The following NKAP variants were observed in gnomAD, a reference collection of about 807,000 sequenced individuals.
NKAP encodes NFKB activating protein, also known as NF-kappa-B-activating protein.
In NKAP, 4 loss-of-function variants were observed where a neutral mutation model predicts 35.6. The observed-to-expected ratio is 0.11, with a 90% CI of 0.06 to 0.26. The LOEUF (loss-of-function observed/expected upper bound fraction) is 0.26, where lower values mean the gene tolerates loss of function less well. Among genes scored for constraint, NKAP ranks in the 10% least tolerant of loss-of-function variants. The pLI, the probability that NKAP is intolerant of heterozygous loss-of-function variation, is 1.00. For missense variants in NKAP, 238 were observed against 321.9 expected (o/e 0.74, Z 1.99); for synonymous variants, 106 against 119.2 (o/e 0.89, Z 0.72).
intron 2 of NKAP, chrX:119,937,162 C>G (rs537817614): frequency 8.9e-6 from 1 of 112,323 alleles, no homozygotes; most frequent in East Asian, 2.8e-4. Context: ...GAGCAAAAAC[C>G]TAACAAACTA....
chrX:119,942,992 G>A (rs1465462927), intron 1 of NKAP: 3 of 385,912 alleles, frequency 7.8e-6, no homozygotes, highest in African/African-American at 2.6e-5. Flanking sequence ...GACAGGAGGC[G>A]GAAGGGGGTA....
chrX:119,941,663 T>C (rs1223732357), intron 1 of NKAP, among the ~76,000 whole-genome samples: 2 of 111,568 alleles, frequency 1.8e-5, no homozygotes, highest in Non-Finnish European at 3.8e-5. Context: ...TCTCCCTCTG[T>C]CACCCAAGCT....
At chrX:119,927,627 G>A (rs2056721577) in intron 8 of NKAP, among the ~76,000 whole-genome samples, 2 of 112,425 alleles carry the variant, frequency 1.8e-5, no homozygotes, top group African/African-American at 6.4e-5. Context: ...TTACAGGCAT[G>A]AGCCACCACG....
In NKAP at chrX:119,923,162, G is replaced by A. The variant is rs192156553; in HGVS notation, c.*2058C>T. 9.0e-6 allele frequency: 1 copy of A among 110,596 alleles called. No homozygotes were observed. The highest frequency in any genetic ancestry group is 9.7e-5 in the Admixed American group (1 of 10,303). The allele number at this position is 110,596 out of a possible 1,213,427, so 9.1% of individuals were successfully genotyped here. A position where few individuals can be genotyped will look rare whatever the true frequency, so the allele number is the denominator to read the frequency against. Reference sequence around the variant, plus strand: ...GGAGGCAGAGGTTACAGTGAGCCGAGATCACACCACTGGGCTCCAGCCTGA... The same window carrying A: ...GGAGGCAGAGGTTACAGTGAGCCGAAATCACACCACTGGGCTCCAGCCTGA... On this transcript the variant is annotated 3_prime_UTR_variant, in exon 9 of 9. Transcript: ENST00000371410.
intron 8 of NKAP, among the ~76,000 whole-genome samples, chrX:119,929,086 G>A (rs868735542): frequency 9.1e-6 from 1 of 110,377 alleles, no homozygotes; most frequent in African/African-American, 3.3e-5. Flanking sequence ...TAGTAGAGAA[G>A]GGTTTCGCCA....
intron 8 of NKAP, among the ~76,000 whole-genome samples, chrX:119,927,270 C>T (rs903005311): frequency 1.9e-5 from 2 of 107,918 alleles, no homozygotes; most frequent in Non-Finnish European, 3.8e-5. Flanking sequence ...TCTTTCTTTC[C>T]CCATTGATCT....
rs748126359 is a variant in NKAP at position 119,930,882 on chromosome X, T to C, written c.924-717A>G. Reference sequence around the variant, plus strand: ...TAGGCTGGGTGCAGTGGCTGACGCCTGTAATCTCAGCATTTTTGGAGGTTG... The same window carrying C: ...TAGGCTGGGTGCAGTGGCTGACGCCCGTAATCTCAGCATTTTTGGAGGTTG... On this transcript the variant is annotated intron_variant, in intron 7 of 8. Transcript: ENST00000371410. 1.5e-4 allele frequency among the ~76,000 whole-genome samples: 16 copies of C among 109,923 alleles called. No homozygotes were observed. The South Asian group carries it at 6.1e-3, about 42-fold the overall frequency.
Position 119,932,029 on chromosome X carries a change from A to G in NKAP, c.848-18T>C, listed in dbSNP as rs1194183417. ...TTCAGCCTCTGCATGAAAGATATTAAGAAACACATTCACATTCTGACTAAT... is the reference window on the plus strand; with the variant it reads ...TTCAGCCTCTGCATGAAAGATATTAGGAAACACATTCACATTCTGACTAAT... On this transcript the variant is annotated intron_variant, in intron 6 of 8. Transcript: ENST00000371410. 1 of 1,196,563 alleles carries G rather than the reference A, an allele frequency of 8.4e-7. No homozygotes were observed. The highest frequency in any genetic ancestry group is 3.0e-5 in the East Asian group (1 of 33,701).
At chrX:119,934,775 AT>A (rs973511814) in intron 4 of NKAP, among the ~76,000 whole-genome samples, 3 of 110,461 alleles carry the variant, frequency 2.7e-5, no homozygotes, top group Non-Finnish European at 3.8e-5. Context: ...ATTATTATTA[AT>A]TTTATTGTGT....
In NKAP at chrX:119,943,375, C is replaced by A; in HGVS notation, c.231G>T (p.Arg77=). 3 of 1,212,000 alleles carry A rather than the reference C, an allele frequency of 2.5e-6. No individual in the cohort carries two copies. Among genetic ancestry groups the A allele is most frequent in the Non-Finnish European group, 3.4e-6 (3 of 895,365 alleles). ...SRNQSYRSRS[R]SRSRERPSAP... ...CAGAGGGCCGCTCTCTAGAACGCGA[C>A]CGCGAGCGTGAGCGGTAGGACTGGT... Residue 77 remains arginine (R), a synonymous_variant, in exon 1 of 9, where the codon CGG becomes CGT. Coordinates refer to ENST00000371410, the MANE Select transcript of NKAP (RefSeq NM_024528.4).
intron 1 of NKAP, among the ~76,000 whole-genome samples, chrX:119,939,444 G>A (rs935709271): frequency 7.3e-5 from 8 of 110,322 alleles, no homozygotes; most frequent in Non-Finnish European, 1.5e-4. Flanking sequence ...GCGCCATCAC[G>A]CCTGGCTAAT....
At chrX:119,935,912 G>A (rs2056763949) in intron 4 of NKAP, among the ~76,000 whole-genome samples, 1 of 111,862 alleles carries the variant, frequency 8.9e-6, no homozygotes, top group African/African-American at 3.2e-5. Context: ...CCACTGGGCC[G>A]ATGCAGCCCT....
intron 8 of NKAP, among the ~76,000 whole-genome samples, chrX:119,929,737 T>C (rs2056731706): frequency 8.9e-6 from 1 of 111,811 alleles, no homozygotes. Flanking sequence ...CTCCAGTGGA[T>C]AAAATATCTG....
At position 119,943,267 on chromosome X, in the gene NKAP, A is replaced by T. The variant is rs751608504; in HGVS notation, c.339T>A (p.Pro113=). 2 of 1,208,116 alleles carry T rather than the reference A, an allele frequency of 1.7e-6. No homozygotes were observed. The highest frequency in any genetic ancestry group is 1.1e-6 in the Non-Finnish European group (1 of 893,894). The part of the protein sequence containing the change: ...SYSRPYGSDK[P]WPSLLDKERE... ...TCTCCTTGTCGAGGAGGCTAGGCCA[A>T]GGCTTGTCGCTCCCGTAGGGGCGCG... Residue 113 remains proline, a synonymous_variant, in exon 1 of 9, where the codon CCT becomes CCA. Transcript: ENST00000371410.
At chrX:119,928,165 A>C (rs1403046383) in intron 8 of NKAP, among the ~76,000 whole-genome samples, 2 of 112,287 alleles carry the variant, frequency 1.8e-5, no homozygotes, top group Non-Finnish European at 3.8e-5. Flanking sequence ...GTTAAGATTT[A>C]TTCTTAAGTC....
intron 8 of NKAP, among the ~76,000 whole-genome samples, chrX:119,928,072 G>C (rs1164598351): frequency 3.8e-4 from 43 of 112,191 alleles, no homozygotes; most frequent in Non-Finnish European, 1.9e-5. Context: ...AAACAACTGT[G>C]TTGTGATTTT....
chrX:119,936,131 CAAT>C (rs1317913026), intron 4 of NKAP, among the ~76,000 whole-genome samples, 163 bp downstream of exon 4: 4 of 112,135 alleles, frequency 3.6e-5, no homozygotes, highest in Admixed American at 1.9e-4. Context: ...GATTAAATGG[CAAT>C]AATAAATATA....
At chrX:119,934,642 G>T in intron 4 of NKAP, 85 bp from the exon 5 acceptor site, 1 of 600,970 alleles carries the variant, frequency 1.7e-6, no homozygotes, top group Non-Finnish European at 2.5e-6. Flanking sequence ...CTATCCTATT[G>T]CTGTCCCATT....
At chrX:119,934,430 CAAAAAAAAAAAA>C (rs369386190) in intron 5 of NKAP, 52 bp downstream of exon 5, 12 of 188,881 alleles carry the variant, frequency 6.4e-5, no homozygotes, top group African/African-American at 6.3e-4. Context: ...GACTCTGTCT[CAAAAAAAAAAAA>C]AAAAAAAAAA....
Sources: allele counts gnomAD v4.1 joint callset (sites outside exome capture counted in the v4.1 genomes callset), GRCh38; gene constraint gnomAD v4.1.1; transcripts MANE v1.5; gene names NCBI Gene and HGNC (gene_info 2026-07-23, HGNC 2026-07-21).